MSRA: variants seen among roughly 807,000 people sequenced by gnomAD.
MSRA encodes the protein methionine sulfoxide reductase A.
Under a neutral mutation model 31.3 loss-of-function variants are expected in MSRA, and 54 were observed. That is an observed-to-expected ratio of 1.73 (90% CI 1.39 to 2.17). The LOEUF is 2.17. Among genes scored for constraint, MSRA ranks in the 30% most tolerant of loss-of-function variants. The pLI is 0.00. For missense variants in MSRA, 507 were observed against 300.9 expected (o/e 1.69, Z -5.07); for synonymous variants, 169 against 116.5 (o/e 1.45, Z -2.90).
chr8:10,402,896 C>T (rs917108491), intron 5 of MSRA, among the ~76,000 whole-genome samples: 1 of 152,230 alleles, frequency 6.6e-6, no homozygotes, highest in Non-Finnish European at 1.5e-5. Context: ...CCCTGATTCT[C>T]CTGCTATTTG....
At chr8:10,106,073 T>C (rs995603903) in intron 1 of MSRA, among the ~76,000 whole-genome samples, 6 of 152,222 alleles carry the variant, frequency 3.9e-5, no homozygotes, top group Non-Finnish European at 5.9e-5. Flanking sequence ...TGTTCAAACA[T>C]TTGGCACCAC....
At chr8:10,091,108 C>T (rs1329663929) in intron 1 of MSRA, among the ~76,000 whole-genome samples, 2 of 152,136 alleles carry the variant, frequency 1.3e-5, no homozygotes, top group African/African-American at 4.8e-5. Context: ...TTGGACTGGT[C>T]TTCTTTTCCT....
rs200612802 is a variant in MSRA, at chr8:10,198,115, G to GT, written c.143-9709dup. On this transcript the variant is annotated intron_variant, in intron 1 of 5. Transcript: ENST00000317173. ...TTCCTTTTTTCAAGCGTTGCTTTCAGTTTTTTTTTCTTTTGATAATTTATT... is the reference window on the plus strand; with the variant it reads ...TTCCTTTTTTCAAGCGTTGCTTTCAGTTTTTTTTTTCTTTTGATAATTTATT... 1.1e-3 allele frequency among the ~76,000 whole-genome samples: 159 copies of GT among 151,308 alleles called. 1 individual carries two copies. The highest frequency in any genetic ancestry group is 0.01 in the East Asian group (53 of 5,154).
chr8:10,369,380 T>G (rs1310334163), intron 5 of MSRA, among the ~76,000 whole-genome samples: 1 of 152,214 alleles, frequency 6.6e-6, no homozygotes, highest in Non-Finnish European at 1.5e-5. Context: ...GTTGAGTGCT[T>G]TAATTGCAGA....
intron 4 of MSRA, among the ~76,000 whole-genome samples, chr8:10,312,925 C>A (rs926386766): frequency 1.3e-5 from 2 of 152,150 alleles, no homozygotes; most frequent in African/African-American, 4.8e-5. Flanking sequence ...CTATAGCAAG[C>A]ATTGTATTTA....
At chr8:10,226,919 C>T (rs1434495590) in intron 2 of MSRA, among the ~76,000 whole-genome samples, 1 of 152,134 alleles carries the variant, frequency 6.6e-6, no homozygotes, top group Non-Finnish European at 1.5e-5. Context: ...TTTATCGTCA[C>T]CATGTCCAGC....
At chr8:10,260,275 C>G (rs545631650) in intron 3 of MSRA, among the ~76,000 whole-genome samples, 3 of 152,106 alleles carry the variant, frequency 2.0e-5, no homozygotes, top group Non-Finnish European at 2.9e-5. Flanking sequence ...GACAAGTATG[C>G]AAGAGCTGTT....
At chr8:10,158,203 C>G (rs969419403) in intron 1 of MSRA, among the ~76,000 whole-genome samples, 2 of 152,216 alleles carry the variant, frequency 1.3e-5, no homozygotes, top group Admixed American at 1.3e-4. Flanking sequence ...AATACTGTCA[C>G]ATTGTGAGGA....
chr8:10,138,058 C>G (rs1341356246), intron 1 of MSRA, among the ~76,000 whole-genome samples: 1 of 152,140 alleles, frequency 6.6e-6, no homozygotes, highest in Non-Finnish European at 1.5e-5. Context: ...TTCACTGGGT[C>G]ACAGGCGTAT....
chr8:10,173,199 A>G (rs926137674), intron 1 of MSRA, among the ~76,000 whole-genome samples: 1 of 152,238 alleles, frequency 6.6e-6, no homozygotes, highest in Non-Finnish European at 1.5e-5. Context: ...TGTGATCTTT[A>G]GCTTTACAGT....
At chr8:10,397,410 A>G (rs929358485) in intron 5 of MSRA, among the ~76,000 whole-genome samples, 7 of 152,208 alleles carry the variant, frequency 4.6e-5, no homozygotes, top group Non-Finnish European at 7.3e-5. Context: ...CAGGGAGTTC[A>G]TTGAGCTGAA....
intron 1 of MSRA, among the ~76,000 whole-genome samples, chr8:10,151,897 A>C (rs1803712722): frequency 6.6e-6 from 1 of 152,248 alleles, no homozygotes. Context: ...GGCCTTTTTA[A>C]GTGACTTGAA....
At chr8:10,349,653 T>C (rs1404829717) in intron 5 of MSRA, among the ~76,000 whole-genome samples, 1 of 152,246 alleles carries the variant, frequency 6.6e-6, no homozygotes, top group Non-Finnish European at 1.5e-5. Context: ...TTTGTGGCCT[T>C]CGTCCCCTCT....
intron 5 of MSRA, among the ~76,000 whole-genome samples, chr8:10,346,118 C>G (rs909874206): frequency 1.3e-5 from 2 of 152,294 alleles, no homozygotes; most frequent in East Asian, 1.9e-4. Flanking sequence ...ACAAAGTTCC[C>G]TAAGGATACC....
intron 1 of MSRA, among the ~76,000 whole-genome samples, chr8:10,104,412 A>G (rs565679603): frequency 2.6e-5 from 4 of 152,204 alleles, no homozygotes; most frequent in African/African-American, 9.6e-5. Context: ...TTGGTTTTAT[A>G]CCTTTTAGGG....
At chr8:10,310,081 C>G (rs1174124759) in intron 4 of MSRA, among the ~76,000 whole-genome samples, 1 of 152,220 alleles carries the variant, frequency 6.6e-6, no homozygotes, top group Non-Finnish European at 1.5e-5. Flanking sequence ...GTGCTGACCC[C>G]TTGAAGTTAG....
chr8:10,137,973 T>C (rs1443350347), intron 1 of MSRA, among the ~76,000 whole-genome samples: 2 of 152,206 alleles, frequency 1.3e-5, no homozygotes, highest in African/African-American at 2.4e-5. Context: ...TCAGGGAGAT[T>C]AGTACCATGA....
chr8:10,392,588 CCT>C (rs1016669695), intron 5 of MSRA, among the ~76,000 whole-genome samples: 1 of 152,126 alleles, frequency 6.6e-6, no homozygotes, highest in Admixed American at 6.5e-5. Context: ...CCAAGCATAC[CCT>C]GTCATTAAAC....
At chr8:10,154,409 G>C (rs1489249263) in intron 1 of MSRA, among the ~76,000 whole-genome samples, 6 of 150,836 alleles carry the variant, frequency 4.0e-5, no homozygotes, top group African/African-American at 1.5e-4. Flanking sequence ...ACTGAGTCTT[G>C]CTCTGTCGCC....
Sources: gnomAD v4.1 joint callset for allele counts (sites outside exome capture counted in the v4.1 genomes callset) on GRCh38, gnomAD v4.1.1 for gene constraint, MANE v1.5 for transcripts, NCBI Gene and HGNC (gene_info 2026-07-23, HGNC 2026-07-21) for gene names.